Variants in PCDHGA8 observed in about 807,000 individuals in gnomAD.
PCDHGA8 encodes protocadherin gamma subfamily A, 8.
Under a neutral mutation model 59.2 loss-of-function variants are expected in PCDHGA8, and 45 were observed. The observed-to-expected ratio is 0.76, with a 90% CI of 0.60 to 0.98. The LOEUF is 0.98. PCDHGA8 is among the 50% of genes least tolerant of loss of function. The pLI is 0.00. For synonymous variants in PCDHGA8, 531 were observed against 519.0 expected (o/e 1.02, Z -0.32); for missense variants, 1,257 against 1,196.2 (o/e 1.05, Z -0.75).
chr5:141,495,943 CTGT>C (rs1324780860), intron 2 of PCDHGA8, among the ~76,000 whole-genome samples: 1 of 152,010 alleles, frequency 6.6e-6, no homozygotes, highest in Non-Finnish European at 1.5e-5. Flanking sequence ...GTCTCTGTGC[CTGT>C]TGTCTTTTTC....
chr5:141,418,987 A>AG (rs781016682), intron 1 of PCDHGA8: 1 of 1,613,974 alleles, frequency 6.2e-7, no homozygotes, highest in South Asian at 1.1e-5. Context: ...ACCAAGACTC[A>AG]GGGGAAAATG....
rs1486791355 is a variant in PCDHGA8 at position 141,476,804 on chromosome 5, A to G, written c.2425-18003A>G. Reference sequence around the variant, plus strand: ...CCCAGCTCTCTCCGCCAGCCTGCCTATTCACATCAAGGTGCTGGACGCGAA... The same window carrying G: ...CCCAGCTCTCTCCGCCAGCCTGCCTGTTCACATCAAGGTGCTGGACGCGAA... On this transcript the variant is annotated intron_variant, in intron 1 of 3. Coordinates refer to ENST00000398604, the MANE Select transcript of PCDHGA8 (RefSeq NM_032088.2). The surrounding 1 kb of genome is among the most constrained non-coding windows in gnomAD (Gnocchi z 7.6). 5 of 1,613,476 alleles carry G rather than the reference A, an allele frequency of 3.1e-6. No individual in the cohort carries two copies. Among genetic ancestry groups the G allele is most frequent in the South Asian group, 2.2e-5 (2 of 91,080 alleles).
rs1035125527 is a variant in PCDHGA8, at chr5:141,485,059, C to T, written c.2425-9748C>T. The T allele has an allele frequency of 7.0e-6, 6 of 858,958 alleles. No homozygotes were observed. The highest frequency in any genetic ancestry group is 2.4e-5 in the East Asian group (1 of 40,854). 53.2% of individuals were successfully genotyped at this position (858,958 alleles called of 1,614,324 possible). A position where few individuals can be genotyped will look rare whatever the true frequency, so the allele number is the denominator to read the frequency against. ...AACCCTTGCGGCGCCGGCCGAACCG[C>T]GCCAGAGCTGGCGCGGGGAAAGGGA... On this transcript the variant is annotated intron_variant, in intron 1 of 3. Coordinates refer to ENST00000398604, the MANE Select transcript of PCDHGA8 (RefSeq NM_032088.2). This position sits in a 1 kb window ranked among gnomAD's most constrained non-coding sequence, Gnocchi z 5.7.
intron 1 of PCDHGA8, among the ~76,000 whole-genome samples, chr5:141,434,285 T>G (rs1358981946): frequency 6.6e-6 from 1 of 152,232 alleles, no homozygotes; most frequent in Non-Finnish European, 1.5e-5. Context: ...GTATTCTCTG[T>G]TTTTCCTGTA....
At chr5:141,470,016 C>G (rs116065751) in intron 1 of PCDHGA8, among the ~76,000 whole-genome samples, 1 of 152,146 alleles carries the variant, frequency 6.6e-6, no homozygotes, top group Non-Finnish European at 1.5e-5. Context: ...GTAATCCCAG[C>G]TACTCGGGAT....
chr5:141,411,174 A>T (rs574627520), intron 1 of PCDHGA8: 4 of 152,400 alleles, frequency 2.6e-5, no homozygotes, highest in African/African-American at 7.2e-5. Flanking sequence ...GAACAGAAGC[A>T]GTGGTCTTGG....
chr5:141,487,475 C>T lies in PCDHGA8; in HGVS notation c.2425-7332C>T, dbSNP rs781308835. On this transcript the variant is annotated intron_variant, in intron 1 of 3. Coordinates refer to ENST00000398604, the MANE Select transcript of PCDHGA8 (RefSeq NM_032088.2). The surrounding 1 kb of genome is among the most constrained non-coding windows in gnomAD (Gnocchi z 5.0). ...TATCAAGTTTGTTGATGTGGGAGGC[C>T]ACTCTCATGGCTGTACACCCTTGGC... 1.2e-6 allele frequency: 2 copies of T among 1,614,156 alleles called. No homozygotes were observed. Among genetic ancestry groups the T allele is most frequent in the South Asian group, 1.1e-5 (1 of 91,080 alleles).
chr5:141,485,587 G>C lies in PCDHGA8; in HGVS notation c.2425-9220G>C. 6.2e-7 allele frequency: 1 copy of C among 1,612,652 alleles called. No individual in the cohort carries two copies. The highest frequency in any genetic ancestry group is 1.7e-5 in the Admixed American group (1 of 59,982). On this transcript the variant is annotated intron_variant, in intron 1 of 3. Coordinates refer to ENST00000398604, the MANE Select transcript of PCDHGA8 (RefSeq NM_032088.2). This position sits in a 1 kb window ranked among gnomAD's most constrained non-coding sequence, Gnocchi z 5.7. ...CCCCCCGTTTTCCGCGGCAGCAGCT[G>C]GACTTGGAAATTGGGGAGGCAGCTC... is the stretch of plus-strand genomic sequence containing the variant.
intron 1 of PCDHGA8, chr5:141,430,974 C>G: frequency 6.2e-7 from 1 of 1,613,072 alleles, no homozygotes; most frequent in East Asian, 2.2e-5. Flanking sequence ...AGAGGTAGGA[C>G]GCAGCTTTTC....
intron 1 of PCDHGA8, chr5:141,399,850 C>G (rs768366007): frequency 1.2e-6 from 2 of 1,612,828 alleles, no homozygotes; most frequent in Non-Finnish European, 1.7e-6. Context: ...CGATATGGTG[C>G]CGCGCGCTGC....
At chr5:141,509,570 G>A (rs2099877371) in intron 3 of PCDHGA8, among the ~76,000 whole-genome samples, 1 of 152,232 alleles carries the variant, frequency 6.6e-6, no homozygotes, top group South Asian at 2.1e-4. Flanking sequence ...AGCCTTCACA[G>A]TGCGTACAAA....
chr5:141,438,998 C>A (rs932958148), intron 1 of PCDHGA8, among the ~76,000 whole-genome samples: 7 of 151,836 alleles, frequency 4.6e-5, no homozygotes, highest in Non-Finnish European at 1.0e-4. Flanking sequence ...GGCTAAGGAC[C>A]TGGTTTGTTT....
chr5:141,423,760 G>T, intron 1 of PCDHGA8: 23 of 279,644 alleles, frequency 8.2e-5, no homozygotes, highest in South Asian at 2.0e-4. Flanking sequence ...TGGGGGGGGG[G>T]TGGGGCGGCA....
At chr5:141,501,691 G>C (rs910322085) in intron 2 of PCDHGA8, among the ~76,000 whole-genome samples, 1 of 152,092 alleles carries the variant, frequency 6.6e-6, no homozygotes, top group Non-Finnish European at 1.5e-5. Context: ...CTTATCTGCA[G>C]GGTGATTCCG....
chr5:141,428,646 C>T (rs542682298), intron 1 of PCDHGA8: 7 of 170,630 alleles, frequency 4.1e-5, no homozygotes, highest in South Asian at 3.0e-4. Flanking sequence ...CTCCTACTCA[C>T]GTGAGTTCCA....
intron 1 of PCDHGA8, among the ~76,000 whole-genome samples, chr5:141,464,222 G>A (rs1189319398): frequency 2.7e-5 from 4 of 147,818 alleles, no homozygotes; most frequent in African/African-American, 7.5e-5. Flanking sequence ...CTGAGATTGC[G>A]CCACTGCACT....
At chr5:141,413,270 C>T (rs2095621736) in intron 1 of PCDHGA8, 5 of 1,613,924 alleles carry the variant, frequency 3.1e-6, no homozygotes, top group Non-Finnish European at 4.2e-6. Flanking sequence ...GAGGCTGGAG[C>T]CCGGCAGATC....
In PCDHGA8 at chr5:141,501,310, C is replaced by T. The variant is rs958976594; in HGVS notation, c.2484-4083C>T. ...CCTTATACACACACACACACACACA[C>T]ACACACACACACACACACACACACC... On this transcript the variant is annotated intron_variant, in intron 2 of 3. Transcript: ENST00000398604. Among the ~76,000 whole-genome samples, 4 of 151,684 alleles carry T rather than the reference C, an allele frequency of 2.6e-5. No individual in the cohort carries two copies. The South Asian group carries it at 8.3e-4, about 32-fold the overall frequency.
chr5:141,399,133 G>A (rs1054849184), intron 1 of PCDHGA8: 1 of 1,613,714 alleles, frequency 6.2e-7, no homozygotes, highest in Non-Finnish European at 8.5e-7. Flanking sequence ...TATTCAAGAT[G>A]AAAATGACAA....
Sources: allele counts gnomAD v4.1 joint callset (sites outside exome capture counted in the v4.1 genomes callset), GRCh38; gene constraint gnomAD v4.1.1; non-coding constraint Gnocchi (gnomAD v3.1); transcripts MANE v1.5; gene names NCBI Gene and HGNC (gene_info 2026-07-23, HGNC 2026-07-21).